The following AKAP3 variants were observed in gnomAD, a reference collection of about 807,000 sequenced individuals.
AKAP3 encodes the protein A-kinase anchoring protein 3.
AKAP3 carries 27 observed loss-of-function variants against 57.2 expected under a neutral mutation model. That is an observed-to-expected ratio of 0.47 (90% CI 0.35 to 0.65). The LOEUF (loss-of-function observed/expected upper bound fraction) is 0.65, where lower values mean the gene tolerates loss of function less well. AKAP3 is among the 30% of genes least tolerant of loss of function. The probability of loss-of-function intolerance (pLI) is 0.01; values close to 1 mark genes in which losing one functional copy is unlikely to be tolerated. For synonymous variants in AKAP3, 334 were observed against 392.3 expected (o/e 0.85, Z 1.76); for missense variants, 959 against 1,040.0 (o/e 0.92, Z 1.07).
rs77632031 is a variant in AKAP3, at chr12:4,625,692, T to TGAGAGAGAGAGA, written c.2406+792_2406+803dup. On this transcript the variant is annotated intron_variant, in intron 5 of 5. Coordinates refer to ENST00000228850, the MANE Select transcript of AKAP3 (RefSeq NM_001278309.2). This position sits in a 1 kb window ranked among gnomAD's most constrained non-coding sequence, Gnocchi z 5.4. The stretch of plus-strand genomic sequence containing the variant: ...ATCAAAAGCACTGAGGAAGAGAAAA[T>TGAGAGAGAGAGA]GAGAGAGAGAGAGAGAGAGAGAGAG... 4.9e-3 allele frequency among the ~76,000 whole-genome samples: 715 copies of TGAGAGAGAGAGA among 146,480 alleles called. 12 individuals are homozygous for TGAGAGAGAGAGA. Among genetic ancestry groups the TGAGAGAGAGAGA allele is most frequent in the African/African-American group, 0.017 (663 of 39,904 alleles).
chr12:4,646,793 C>A lies in AKAP3; in HGVS notation c.-244-1601G>T, dbSNP rs538377421. 1.3e-4 allele frequency among the ~76,000 whole-genome samples: 20 copies of A among 151,360 alleles called. No homozygotes were observed. The East Asian group carries it at 3.9e-3, about 29-fold the overall frequency. On this transcript the variant is annotated intron_variant, in intron 1 of 5. Transcript: ENST00000228850. ...GTCAAAATATCTCAGTTTCTTTTTT[C>A]TTTTTTTTGAGACAGAGTCTCAACT...
chr12:4,630,923 T>C (rs1945490247), intron 4 of AKAP3, among the ~76,000 whole-genome samples: 1 of 152,180 alleles, frequency 6.6e-6, no homozygotes, highest in Non-Finnish European at 1.5e-5. Context: ...TTCATTTTTA[T>C]ATATGTATGG....
chr12:4,615,950 A>G lies in AKAP3; in HGVS notation c.2407-56T>C, dbSNP rs1176513331. Reference sequence around the variant, plus strand: ...GGCACAGCATCTCATGGCAGGCCAGATGGAGCCTGCCAAGGCTGGAGCAGA... The same window carrying G: ...GGCACAGCATCTCATGGCAGGCCAGGTGGAGCCTGCCAAGGCTGGAGCAGA... On this transcript the variant is annotated intron_variant, in intron 5 of 5. Coordinates refer to ENST00000228850, the MANE Select transcript of AKAP3 (RefSeq NM_001278309.2). The G allele has an allele frequency of 6.2e-6, 10 of 1,607,450 alleles. No individual in the cohort carries two copies. In the Admixed American group the frequency reaches 1.7e-4, roughly 27 times the overall value.
intron 4 of AKAP3, among the ~76,000 whole-genome samples, chr12:4,630,601 T>C (rs1945485400): frequency 6.6e-6 from 1 of 152,242 alleles, no homozygotes; most frequent in African/African-American, 2.4e-5. Context: ...ATTAGAATAA[T>C]AGCTACTTTA....
chr12:4,627,110 T>A lies in AKAP3; in HGVS notation c.1792A>T (p.Ile598Phe), dbSNP rs200362701. Reference sequence around the variant, plus strand: ...ATGGTCTCACTAAGTAAGTTCCGGATGAAATTAAAGAAAACACTCCTTAGG... The same window carrying A: ...ATGGTCTCACTAAGTAAGTTCCGGAAGAAATTAAAGAAAACACTCCTTAGG... ...KDLRSVFFNF[I>F]RNLLSETIFK... The change falls in exon 5 of 6, where the codon ATC (isoleucine) becomes TTC (phenylalanine). Residue 598 changes from isoleucine to phenylalanine, a missense_variant. Physicochemically the swap from Ile to Phe is conservative, Grantham distance 21. Transcript: ENST00000228850. 5.0e-6 allele frequency: 8 copies of A among 1,614,108 alleles called. No homozygotes were observed. Among genetic ancestry groups the A allele is most frequent in the Non-Finnish European group, 6.8e-6 (8 of 1,180,026 alleles).
chr12:4,638,766 A>G (rs1054980239), intron 3 of AKAP3, among the ~76,000 whole-genome samples: 1 of 152,232 alleles, frequency 6.6e-6, no homozygotes, highest in African/African-American at 2.4e-5. Context: ...TCTATGGTTC[A>G]GCTAAATTTC....
Position 4,628,295 on chromosome 12 carries a change from A to G in AKAP3, c.607T>C (p.Ser203Pro). 1 of 1,614,116 alleles carries G rather than the reference A, an allele frequency of 6.2e-7. No individual in the cohort carries two copies. Among genetic ancestry groups the G allele is most frequent in the Non-Finnish European group, 8.5e-7 (1 of 1,179,980 alleles). ...DKAPGSGDRVSGSSQSPPNLK... is the reference protein window; with the variant it reads ...DKAPGSGDRVPGSSQSPPNLK... ...TTTGGGGGACTTTGTGATGATCCCGAGACTCTGTCTCCAGAGCCAGGAGCC... is the reference window on the plus strand; with the variant it reads ...TTTGGGGGACTTTGTGATGATCCCGGGACTCTGTCTCCAGAGCCAGGAGCC... The change falls in exon 5 of 6, where the codon TCG (serine) becomes CCG (proline). Residue 203 changes from serine (S) to proline (P), a missense_variant. Coordinates refer to ENST00000228850, the MANE Select transcript of AKAP3 (RefSeq NM_001278309.2).
At position 4,628,467 on chromosome 12, in the gene AKAP3, C is replaced by CTCA; in HGVS notation, c.432_434dup (p.Asn144_Glu145insAsp). On this transcript the variant is annotated inframe_insertion, in exon 5 of 6. Coordinates refer to ENST00000228850, the MANE Select transcript of AKAP3 (RefSeq NM_001278309.2). ...ATTTGTTTTCAGAGCCATCGATCTT[C>CTCA]TCATTGATCTCTTTGCGGGCCATGG... The CTCA allele has an allele frequency of 9.9e-6, 16 of 1,614,186 alleles. No homozygotes were observed. Among genetic ancestry groups the CTCA allele is most frequent in the Non-Finnish European group, 1.4e-5 (16 of 1,180,028 alleles).
In AKAP3 at chr12:4,615,812, T is replaced by G; in HGVS notation, c.2489A>C (p.Glu830Ala). Residue 830 changes from glutamate to alanine, a missense_variant, in exon 6 of 6, where the codon GAG becomes GCG. Glu to Ala is a moderately radical substitution (Grantham distance 107). Coordinates refer to ENST00000228850, the MANE Select transcript of AKAP3 (RefSeq NM_001278309.2). ...VLQSVLRYEK[E>A]RQLNEAVGNV... ...CCCCACCGCCTCATTCAGCTGGCGC[T>G]CCTTCTCATAGCGCAGCACCGACTG... 12 of 1,614,204 alleles carry G rather than the reference T, an allele frequency of 7.4e-6. No individual in the cohort carries two copies. The highest frequency in any genetic ancestry group is 1.0e-5 in the Non-Finnish European group (12 of 1,180,036).
At chr12:4,628,831 G>A in intron 4 of AKAP3, 26 bp from the exon 5 acceptor site, 1 of 1,571,794 alleles carries the variant, frequency 6.4e-7, no homozygotes, top group Non-Finnish European at 8.7e-7. Flanking sequence ...GGATTCATCT[G>A]ACTATAACAA....
intron 5 of AKAP3, among the ~76,000 whole-genome samples, chr12:4,620,601 AATG>A (rs1945335661): frequency 6.6e-6 from 1 of 152,172 alleles, no homozygotes; most frequent in Non-Finnish European, 1.5e-5. Flanking sequence ...TACACTGCAT[AATG>A]ATGTTTCAGT....
intron 4 of AKAP3, chr12:4,635,861 G>A (rs1251009395): frequency 3.8e-5 from 25 of 662,540 alleles, no homozygotes; most frequent in Non-Finnish European, 5.5e-5. Context: ...TATCCAAAAC[G>A]TCTATTTTCT....
chr12:4,632,293 T>TATAAGGG (rs1313456208), intron 4 of AKAP3, among the ~76,000 whole-genome samples: 2 of 152,264 alleles, frequency 1.3e-5, no homozygotes, highest in Admixed American at 6.5e-5. Flanking sequence ...GTATAAGGGG[T>TATAAGGG]GTATGTGACT....
chr12:4,629,841 A>G (rs1945475689), intron 4 of AKAP3, among the ~76,000 whole-genome samples: 1 of 152,168 alleles, frequency 6.6e-6, no homozygotes, highest in Non-Finnish European at 1.5e-5. Context: ...CTGCACAAAC[A>G]CTATCTGGAT....
chr12:4,636,057 T>C, intron 4 of AKAP3: 5 of 1,494,526 alleles, frequency 3.3e-6, no homozygotes, highest in Non-Finnish European at 4.6e-6. Flanking sequence ...GCACTAGGCT[T>C]GATTTGCCAA....
Position 4,627,472 on chromosome 12 carries a change from G to A in AKAP3, c.1430C>T (p.Ala477Val), listed in dbSNP as rs1945434339. 1.9e-6 allele frequency: 3 copies of A among 1,614,078 alleles called. No individual in the cohort carries two copies. The highest frequency in any genetic ancestry group is 1.7e-6 in the Non-Finnish European group (2 of 1,179,998). The change falls in exon 5 of 6, where the codon GCA becomes GTA. Residue 477 changes from alanine to valine, a missense_variant. By Grantham distance (64) the Ala-to-Val change is moderately conservative (BLOSUM62 0). Transcript: ENST00000228850. The stretch of plus-strand genomic sequence containing the variant: ...CTGTGTGTTGGGAGCTTCAAATGCT[G>A]CATGCTGGAAACCTAGAGATTTACA... ...KECKSLGFQH[A>V]AFEAPNTQRK... is the part of the protein sequence containing the mutation.
intron 5 of AKAP3, among the ~76,000 whole-genome samples, chr12:4,623,301 T>C (rs1945367565): frequency 6.6e-6 from 1 of 152,186 alleles, no homozygotes; most frequent in African/African-American, 2.4e-5. Context: ...TAAAGACACA[T>C]GCACGTGGAT....
chr12:4,641,141 C>T (rs1452118926), intron 3 of AKAP3, among the ~76,000 whole-genome samples: 2 of 131,154 alleles, frequency 1.5e-5, no homozygotes, highest in African/African-American at 2.8e-5. Context: ...GGCGCGATCT[C>T]GGCTCACTGC....
chr12:4,621,381 A>G (rs1190027585), intron 5 of AKAP3, among the ~76,000 whole-genome samples: 1 of 152,218 alleles, frequency 6.6e-6, no homozygotes, highest in East Asian at 1.9e-4. Flanking sequence ...CTTCGCATTC[A>G]CTCACCACTC....
Sources: gnomAD v4.1 joint callset for allele counts (sites outside exome capture counted in the v4.1 genomes callset) on GRCh38, gnomAD v4.1.1 for gene constraint, Gnocchi (gnomAD v3.1) non-coding constraint, MANE v1.5 for transcripts, NCBI Gene and HGNC (gene_info 2026-07-23, HGNC 2026-07-21) for gene names.